The following DPT variants were observed in gnomAD, a reference collection of about 807,000 sequenced individuals.
DPT encodes the protein dermatopontin.
Under a neutral mutation model 31.2 loss-of-function variants are expected in DPT, and 21 were observed. The ratio of observed to expected loss-of-function variants is 0.67; its 90% CI spans 0.48 to 0.97. DPT has a LOEUF of 0.97. Among genes scored for constraint, DPT ranks in the 50% least tolerant of loss-of-function variants. DPT has a pLI of 0.00. For missense variants in DPT, 262 were observed against 258.8 expected (o/e 1.01, Z -0.08); for synonymous variants, 91 against 86.9 (o/e 1.05, Z -0.26).
chr1:168,728,170 C>T lies in DPT; in HGVS notation c.305+700G>A, dbSNP rs563038438. Reference sequence around the variant, plus strand: ...AAGGCAGAATGCAGTCAGGGGAAGACAGCACCTCTCTCCAAAACCCTTTAG... The same window carrying T: ...AAGGCAGAATGCAGTCAGGGGAAGATAGCACCTCTCTCCAAAACCCTTTAG... On this transcript the variant is annotated intron_variant, in intron 1 of 3. Transcript: ENST00000367817. Among the ~76,000 whole-genome samples the T allele has an allele frequency of 2.8e-4, 43 of 152,338 alleles. 2 individuals are homozygous for T. In the South Asian group the frequency reaches 8.5e-3, roughly 30 times the overall value.
chr1:168,723,911 C>T (rs1015093606), intron 1 of DPT, among the ~76,000 whole-genome samples: 2 of 152,124 alleles, frequency 1.3e-5, no homozygotes, highest in African/African-American at 2.4e-5. Flanking sequence ...ATACTCTTCA[C>T]CCAGGTTCCT....
chr1:168,699,003 G>A (rs1649527036), intron 3 of DPT, among the ~76,000 whole-genome samples: 1 of 152,128 alleles, frequency 6.6e-6, no homozygotes, highest in Non-Finnish European at 1.5e-5. Context: ...TTAATGCAAT[G>A]ACATAATATT....
At chr1:168,724,071 T>G (rs888853596) in intron 1 of DPT, among the ~76,000 whole-genome samples, 3 of 152,224 alleles carry the variant, frequency 2.0e-5, no homozygotes, top group African/African-American at 7.2e-5. Flanking sequence ...CCCTTATGGC[T>G]TTTGAAATAA....
intron 1 of DPT, 47 bp downstream of exon 1, chr1:168,728,823 T>A: frequency 6.3e-7 from 1 of 1,596,098 alleles, no homozygotes; most frequent in Non-Finnish European, 8.6e-7. Context: ...AGGAGGGATA[T>A]GCAGAGATGT....
intron 1 of DPT, 127 bp from the exon 2 acceptor site, chr1:168,714,473 T>C: frequency 2.5e-6 from 3 of 1,195,888 alleles, no homozygotes; most frequent in East Asian, 2.5e-5. Context: ...TTCCATTTTA[T>C]GCAAATAATA....
chr1:168,724,038 A>G (rs772220086), intron 1 of DPT, among the ~76,000 whole-genome samples: 17 of 152,212 alleles, frequency 1.1e-4, no homozygotes, highest in Non-Finnish European at 1.9e-4. Context: ...TCAAACCAGG[A>G]TAGGTTACTG....
intron 2 of DPT, among the ~76,000 whole-genome samples, chr1:168,709,369 C>T (rs900959436): frequency 6.6e-6 from 1 of 152,188 alleles, no homozygotes; most frequent in African/African-American, 2.4e-5. Context: ...TTAGAATTTT[C>T]ATATCTAAAT....
chr1:168,725,220 T>A (rs531594344), intron 1 of DPT, among the ~76,000 whole-genome samples: 2 of 144,122 alleles, frequency 1.4e-5, no homozygotes, highest in Admixed American at 1.4e-4. Flanking sequence ...TTTCCATTCC[T>A]TTCCTTTCCT....
At chr1:168,720,989 A>C (rs1650095951) in intron 1 of DPT, among the ~76,000 whole-genome samples, 1 of 152,220 alleles carries the variant, frequency 6.6e-6, no homozygotes, top group African/African-American at 2.4e-5. Flanking sequence ...ATCTCTTCAG[A>C]AGACTGGTAC....
At chr1:168,704,050 T>G (rs1649662085) in intron 2 of DPT, among the ~76,000 whole-genome samples, 1 of 152,240 alleles carries the variant, frequency 6.6e-6, no homozygotes, top group Non-Finnish European at 1.5e-5. Context: ...TAGGGACTTT[T>G]CAGGAAATTA....
intron 2 of DPT, among the ~76,000 whole-genome samples, chr1:168,708,033 A>G (rs1216665102): frequency 1.3e-5 from 2 of 152,196 alleles, no homozygotes; most frequent in Non-Finnish European, 2.9e-5. Flanking sequence ...TTGATCTAAA[A>G]TGGTGTAGCA....
intron 1 of DPT, among the ~76,000 whole-genome samples, chr1:168,719,752 G>T (rs547413892): frequency 6.6e-6 from 1 of 151,746 alleles, no homozygotes; most frequent in South Asian, 2.1e-4. Context: ...GAGGGCACTG[G>T]TACCTTACTT....
In DPT at chr1:168,702,612, C is replaced by CTTTTTTT. The variant is rs10656421; in HGVS notation, c.432-1495_432-1489dup. Among the ~76,000 whole-genome samples the CTTTTTTT allele has an allele frequency of 9.1e-5, 12 of 132,402 alleles. 1 individual carries two copies. The highest frequency in any genetic ancestry group is 2.5e-4 in the South Asian group (1 of 4,042). 86.9% of individuals were successfully genotyped at this position (132,402 alleles called of 152,430 possible). ...AGGACTTTACCTTTCAGGTAAATGT[C>CTTTTTTT]TTTTTTTTTTTTTTTTTGAGACCAA... On this transcript the variant is annotated intron_variant, in intron 2 of 3. Transcript: ENST00000367817.
At chr1:168,710,083 G>A (rs1649817029) in intron 2 of DPT, among the ~76,000 whole-genome samples, 1 of 152,112 alleles carries the variant, frequency 6.6e-6, no homozygotes, top group Non-Finnish European at 1.5e-5. Context: ...TTATGCCCTG[G>A]AGGCATTTAG....
rs201606567 is a variant in DPT, at chr1:168,728,840, C to A, written c.305+30G>T. On this transcript the variant is annotated intron_variant, in intron 1 of 3. Coordinates refer to ENST00000367817, the MANE Select transcript of DPT (RefSeq NM_001937.5). ...GAGGGATATGCAGAGATGTTCCCAGCCCCAGTGCAGTGCAGGGACTGGCCC... is the reference window on the plus strand; with the variant it reads ...GAGGGATATGCAGAGATGTTCCCAGACCCAGTGCAGTGCAGGGACTGGCCC... The A allele has an allele frequency of 8.1e-6, 13 of 1,607,738 alleles. No homozygotes were observed. The African/African-American group carries it at 1.6e-4, about 20-fold the overall frequency.
intron 3 of DPT, among the ~76,000 whole-genome samples, chr1:168,697,375 A>C (rs1649489225): frequency 6.6e-6 from 1 of 152,236 alleles, no homozygotes; most frequent in Admixed American, 6.5e-5. Flanking sequence ...TGTGCTATAC[A>C]TGTGTTTCCC....
At chr1:168,725,513 G>T (rs1424542147) in intron 1 of DPT, among the ~76,000 whole-genome samples, 1 of 152,082 alleles carries the variant, frequency 6.6e-6, no homozygotes, top group Non-Finnish European at 1.5e-5. Context: ...AGGACCCAGT[G>T]CCCTACAGCC....
At chr1:168,707,044 T>C (rs1375518128) in intron 2 of DPT, among the ~76,000 whole-genome samples, 1 of 152,182 alleles carries the variant, frequency 6.6e-6, no homozygotes, top group African/African-American at 2.4e-5. Context: ...GAAGTCTTAT[T>C]CCTCATCTAG....
chr1:168,706,741 C>T (rs1212098777), intron 2 of DPT, among the ~76,000 whole-genome samples: 1 of 152,230 alleles, frequency 6.6e-6, no homozygotes, highest in African/African-American at 2.4e-5. Flanking sequence ...GAGGGAATAA[C>T]AGTTCCAGGG....
Sources: allele counts gnomAD v4.1 joint callset (sites outside exome capture counted in the v4.1 genomes callset), GRCh38; gene constraint gnomAD v4.1.1; transcripts MANE v1.5; gene names NCBI Gene and HGNC (gene_info 2026-07-23, HGNC 2026-07-21).